The following CCDC30 variants were observed in gnomAD, a reference collection of about 807,000 sequenced individuals.
CCDC30 encodes the protein coiled-coil domain containing 30, also known as coiled-coil domain-containing protein 30.
A neutral mutation model predicts 100.2 loss-of-function variants in CCDC30; 70 were observed. That is an observed-to-expected ratio of 0.70 (90% CI 0.58 to 0.85). The LOEUF is 0.85. CCDC30 is among the 40% of genes least tolerant of loss of function. The pLI is 0.00. For synonymous variants in CCDC30, 233 were observed against 269.5 expected (o/e 0.86, Z 1.33); for missense variants, 652 against 771.2 (o/e 0.85, Z 1.83).
At chr1:42,537,347 T>G (rs1644925453) in intron 6 of CCDC30, 2 of 438,114 alleles carry the variant, frequency 4.6e-6, no homozygotes, top group Middle Eastern at 3.4e-4. Flanking sequence ...TCAATCAGTT[T>G]GTAGTTTGCA....
chr1:42,591,903 C>A (rs1646194166), intron 10 of CCDC30: 1 of 152,272 alleles, frequency 6.6e-6, no homozygotes, highest in South Asian at 2.1e-4. Context: ...GGATGTGGGA[C>A]ATGGAGTCAA....
chr1:42,535,727 A>ATATATATATTATATATATATAATATATAT (rs1435467963), intron 6 of CCDC30, among the ~76,000 whole-genome samples: 2 of 2,688 alleles, frequency 7.4e-4, no homozygotes, highest in Non-Finnish European at 1.6e-3. Flanking sequence ...ATAAATTTTA[A>ATATATATATTATATATATATAATATATAT]AAAATTAAAA....
chr1:42,632,534 T>C (rs112727701), intron 11 of CCDC30, among the ~76,000 whole-genome samples: 23,825 of 151,680 alleles, frequency 0.16, 2,093 homozygotes, highest in South Asian at 0.31. Context: ...GAGGCTGAGG[T>C]GGGCGGATCA....
chr1:42,576,173 T>G (rs904144043), intron 7 of CCDC30, among the ~76,000 whole-genome samples: 4 of 152,074 alleles, frequency 2.6e-5, no homozygotes, highest in African/African-American at 9.7e-5. Context: ...GAGGATAGAT[T>G]AGAAAAGAGT....
chr1:42,577,036 A>G (rs1354445433), exon 8 of CCDC30: 2 of 1,612,986 alleles, frequency 1.2e-6, no homozygotes, highest in African/African-American at 2.7e-5. Flanking sequence ...ATTGAACTAA[A>G]GCATGCCCAA....
intron 16 of CCDC30, 145 bp from the exon 21 acceptor site, chr1:42,653,673 G>A (rs1648539902): frequency 4.5e-6 from 3 of 661,260 alleles, no homozygotes; most frequent in Non-Finnish European, 7.9e-6. Flanking sequence ...AATAAAATAT[G>A]AACATAGGTT....
At chr1:42,545,415 G>C in intron 6 of CCDC30, 3 of 1,568,858 alleles carry the variant, frequency 1.9e-6, no homozygotes, top group Non-Finnish European at 2.6e-6. Flanking sequence ...TGCAGGTCTT[G>C]AAGCTTTCAC....
chr1:42,638,946 G>T (rs1647221084), intron 12 of CCDC30, among the ~76,000 whole-genome samples: 1 of 151,898 alleles, frequency 6.6e-6, no homozygotes, highest in Non-Finnish European at 1.5e-5. Context: ...CTAGTTCATG[G>T]GTCCATCAGA....
chr1:42,501,558 G>A (rs998397404), intron 6 of CCDC30, among the ~76,000 whole-genome samples: 1 of 152,220 alleles, frequency 6.6e-6, no homozygotes, highest in Non-Finnish European at 1.5e-5. Context: ...CAGCTTTTCT[G>A]CTCTGGTTTC....
chr1:42,511,436 G>A (rs1018390829), intron 6 of CCDC30, among the ~76,000 whole-genome samples: 5 of 152,114 alleles, frequency 3.3e-5, no homozygotes, highest in South Asian at 4.1e-4. Context: ...ATGCTAAAGC[G>A]TTTCCCCTTA....
intron 11 of CCDC30, among the ~76,000 whole-genome samples, chr1:42,613,241 C>CTTTAT (rs36211187): frequency 1.3e-4 from 20 of 150,602 alleles, no homozygotes; most frequent in Admixed American, 4.6e-4. Context: ...TATTCACGTG[C>CTTTAT]TTTATTTTAT....
chr1:42,575,790 TAC>T (rs1286020711), intron 7 of CCDC30, among the ~76,000 whole-genome samples: 3 of 152,218 alleles, frequency 2.0e-5, no homozygotes, highest in South Asian at 2.1e-4. Context: ...ACAAATGTGG[TAC>T]AGTGATGAGT....
chr1:42,546,418 A>ATGTATATATG, intron 6 of CCDC30, among the ~76,000 whole-genome samples: 365 of 8,166 alleles, frequency 0.045, 10 homozygotes, highest in African/African-American at 0.15. Flanking sequence ...ATATATATAT[A>ATGTATATATG]TATATATATA....
chr1:42,526,513 C>A (rs1362807711), intron 6 of CCDC30, among the ~76,000 whole-genome samples: 1 of 152,042 alleles, frequency 6.6e-6, no homozygotes, highest in Non-Finnish European at 1.5e-5. Context: ...AATTCATATC[C>A]TTTTCCCAGG....
chr1:42,500,417 C>CT, intron 6 of CCDC30: 3 of 912,020 alleles, frequency 3.3e-6, no homozygotes, highest in East Asian at 2.5e-5. Context: ...ACCGAGTTCT[C>CT]TCTTTTTTTT....
At chr1:42,593,586 T>G (rs1172912427) in intron 10 of CCDC30, 2 of 152,038 alleles carry the variant, frequency 1.3e-5, no homozygotes, top group Non-Finnish European at 2.9e-5. Flanking sequence ...AGCCTGAAAG[T>G]TCCAACCCTC....
chr1:42,610,209 T>C (rs887687220), intron 10 of CCDC30, among the ~76,000 whole-genome samples: 1 of 152,220 alleles, frequency 6.6e-6, no homozygotes, highest in Non-Finnish European at 1.5e-5. Context: ...CTATAAGTGA[T>C]AATCAATTCT....
At chr1:42,498,904 A>T (rs1644266893) in exon 6 of CCDC30, 6 of 1,232,286 alleles carry the variant, frequency 4.9e-6, no homozygotes, top group Admixed American at 4.2e-5. Flanking sequence ...TGGGTGGTGA[A>T]CAGAGAGAAC....
At chr1:42,618,941 G>C (rs1028585677) in intron 11 of CCDC30, among the ~76,000 whole-genome samples, 40 of 152,110 alleles carry the variant, frequency 2.6e-4, no homozygotes, top group African/African-American at 9.4e-4. Flanking sequence ...TCATTTAACT[G>C]CAATAACTCA....
Sources: gnomAD v4.1 joint callset for allele counts (sites outside exome capture counted in the v4.1 genomes callset) on GRCh38, gnomAD v4.1.1 for gene constraint, MANE v1.5 for transcripts, NCBI Gene and HGNC (gene_info 2026-07-23, HGNC 2026-07-21) for gene names.